The following CNTNAP2 variants were observed in gnomAD, a reference collection of about 807,000 sequenced individuals.
CNTNAP2 encodes the protein contactin associated protein 2, also known as contactin-associated protein-like 2.
Under a neutral mutation model 155.2 loss-of-function variants are expected in CNTNAP2, and 98 were observed. The ratio of observed to expected loss-of-function variants is 0.63; its 90% CI spans 0.54 to 0.75. CNTNAP2 has a LOEUF of 0.75. CNTNAP2 is among the 30% of genes least tolerant of loss of function. CNTNAP2 has a pLI of 0.00. For missense variants in CNTNAP2, 1,727 were observed against 1,688.1 expected, an observed-to-expected ratio of 1.02 and a Z score of -0.40; for synonymous variants, 651 against 631.2, an observed-to-expected ratio of 1.03 and a Z score of -0.47.
rs28710243 is a variant in CNTNAP2 at position 146,664,046 on chromosome 7, G to A, written c.98-110225G>A. On this transcript the variant is annotated intron_variant, in intron 1 of 23. Coordinates refer to ENST00000361727, the MANE Select transcript of CNTNAP2 (RefSeq NM_014141.6). ...TTGAAGAAGTTCTTTTCTATTACCA[G>A]TTTGCTAGGGTTTTTATTATAAGTG... Among the ~76,000 whole-genome samples, 954 of 150,948 alleles carry A rather than the reference G, an allele frequency of 6.3e-3. 9 individuals are homozygous for A. The highest frequency in any genetic ancestry group is 0.022 in the African/African-American group (913 of 41,088).
At chr7:146,503,312 A>C (rs2129133729) in intron 1 of CNTNAP2, among the ~76,000 whole-genome samples, 1 of 152,366 alleles carries the variant, frequency 6.6e-6, no homozygotes, top group African/African-American at 2.4e-5. Flanking sequence ...CCTATGGGCC[A>C]CATGCAGCTC....
chr7:146,936,779 C>G (rs920494254), intron 3 of CNTNAP2, among the ~76,000 whole-genome samples: 1 of 152,094 alleles, frequency 6.6e-6, no homozygotes. Flanking sequence ...TGAACTGTAA[C>G]CAATCCAGTT....
At chr7:147,522,991 T>C (rs1799256317) in intron 11 of CNTNAP2, among the ~76,000 whole-genome samples, 1 of 152,180 alleles carries the variant, frequency 6.6e-6, no homozygotes, top group Non-Finnish European at 1.5e-5. Flanking sequence ...CTCCAGATTG[T>C]AGTAGCCTAA....
intron 4 of CNTNAP2, among the ~76,000 whole-genome samples, chr7:147,061,270 G>A (rs910946251): frequency 2.6e-5 from 4 of 152,020 alleles, no homozygotes; most frequent in African/African-American, 9.7e-5. Flanking sequence ...GATCTCATGT[G>A]TTTTTACCAT....
intron 1 of CNTNAP2, among the ~76,000 whole-genome samples, chr7:146,283,265 C>T (rs1031843027): frequency 3.3e-5 from 5 of 152,184 alleles, no homozygotes; most frequent in African/African-American, 9.7e-5. Context: ...AATATTGACT[C>T]CTAAATGAGT....
intron 2 of CNTNAP2, among the ~76,000 whole-genome samples, chr7:146,837,313 A>G (rs1803636945): frequency 6.6e-6 from 1 of 151,906 alleles, no homozygotes; most frequent in African/African-American, 2.4e-5. Context: ...TTCTAGTACA[A>G]TGATGTTTTC....
rs57484419 is a variant in CNTNAP2, at chr7:146,426,185, CAA to C, written c.97+309236_97+309237del. Among the ~76,000 whole-genome samples the C allele has an allele frequency of 8.8e-3, 479 of 54,580 alleles. 6 individuals are homozygous for C. Among genetic ancestry groups the C allele is most frequent in the African/African-American group, 0.033 (446 of 13,416 alleles). 35.8% of individuals were successfully genotyped at this position (54,580 alleles called of 152,430 possible). A position where few individuals can be genotyped will look rare whatever the true frequency, so the allele number is the denominator to read the frequency against. On this transcript the variant is annotated intron_variant, in intron 1 of 23. Transcript: ENST00000361727. ...TGGGCTACAGAGTGAGACTTCGCCTCAAAAAAAAAAAAAAAAAAAAAAAAATT... is the reference window on the plus strand; with the variant it reads ...TGGGCTACAGAGTGAGACTTCGCCTCAAAAAAAAAAAAAAAAAAAAAAATT...
chr7:148,406,532 C>T (rs1017390957), intron 22 of CNTNAP2, among the ~76,000 whole-genome samples: 1 of 152,220 alleles, frequency 6.6e-6, no homozygotes, highest in Non-Finnish European at 1.5e-5. Context: ...CTCCTTGTCC[C>T]TTTCTAGCCT....
intron 1 of CNTNAP2, among the ~76,000 whole-genome samples, chr7:146,120,180 TG>T (rs1398689316): frequency 1.3e-5 from 2 of 151,994 alleles, no homozygotes; most frequent in African/African-American, 4.8e-5. Context: ...GTATTTTAAA[TG>T]TAAAATATGT....
intron 14 of CNTNAP2, among the ~76,000 whole-genome samples, chr7:147,933,365 T>C (rs1289409061): frequency 6.6e-6 from 1 of 152,132 alleles, no homozygotes; most frequent in Non-Finnish European, 1.5e-5. Context: ...AAGAGATATA[T>C]GGACCCCATG....
intron 15 of CNTNAP2, among the ~76,000 whole-genome samples, chr7:148,022,733 G>T (rs559285122): frequency 6.6e-6 from 1 of 151,748 alleles, no homozygotes; most frequent in Non-Finnish European, 1.5e-5. Flanking sequence ...TGGACTCTGC[G>T]AATGGATGTC....
chr7:146,653,912 A>T (rs1188418054), intron 1 of CNTNAP2, among the ~76,000 whole-genome samples: 2 of 152,064 alleles, frequency 1.3e-5, no homozygotes, highest in East Asian at 1.9e-4. Flanking sequence ...AGTAGAAATC[A>T]TTTCCTTGGA....
intron 3 of CNTNAP2, among the ~76,000 whole-genome samples, chr7:146,842,887 G>A (rs13237175): frequency 2.1e-5 from 3 of 143,502 alleles, no homozygotes; most frequent in African/African-American, 7.7e-5. Context: ...GGGTTTCACC[G>A]AGTTAGCCAG....
Position 147,043,922 on chromosome 7 carries a change from A to G in CNTNAP2, c.418A>G (p.Ile140Val), listed in dbSNP as rs2129255290. 1.2e-6 allele frequency: 2 copies of G among 1,614,178 alleles called. No individual in the cohort carries two copies. The highest frequency in any genetic ancestry group is 3.3e-4 in the Middle Eastern group (2 of 6,060). ...CCTTTTCCAGGCATTTCCCGGAAACATTAACTCTGACGGTGTGGTCCGGCA... is the reference window on the plus strand; with the variant it reads ...CCTTTTCCAGGCATTTCCCGGAAACGTTAACTCTGACGGTGTGGTCCGGCA... ...DGNIWAFPGN[I>V]NSDGVVRHEL... Residue 140 changes from isoleucine to valine, a missense_variant, in exon 4 of 24, where the codon ATT (isoleucine) becomes GTT (valine). By Grantham distance (29) the Ile-to-Val change is conservative. Transcript: ENST00000361727.
At chr7:148,133,439 G>T (rs1585143675) in intron 16 of CNTNAP2, among the ~76,000 whole-genome samples, 1 of 152,072 alleles carries the variant, frequency 6.6e-6, no homozygotes, top group Non-Finnish European at 1.5e-5. Flanking sequence ...TCCAGCCTGG[G>T]TGACAGAATG....
At chr7:147,377,998 A>G (rs1338365978) in intron 9 of CNTNAP2, 1 of 467,226 alleles carries the variant, frequency 2.1e-6, no homozygotes, top group Admixed American at 2.4e-5. Flanking sequence ...ATTCTCCATC[A>G]TTCTCCCTTT....
At chr7:147,692,754 A>G (rs1796106288) in intron 13 of CNTNAP2, among the ~76,000 whole-genome samples, 2 of 152,018 alleles carry the variant, frequency 1.3e-5, no homozygotes, top group Admixed American at 1.3e-4. Context: ...ACACTCCTCT[A>G]TCAGATGTCT....
intron 8 of CNTNAP2, among the ~76,000 whole-genome samples, chr7:147,249,614 A>AAAAAAG (rs1234085240): frequency 6.7e-6 from 1 of 149,970 alleles, no homozygotes; most frequent in Non-Finnish European, 1.5e-5. Context: ...TAAAAAAAAA[A>AAAAAAG]AAAAAAAAAA....
intron 8 of CNTNAP2, among the ~76,000 whole-genome samples, chr7:147,155,029 A>T (rs1276293865): frequency 6.6e-6 from 1 of 152,148 alleles, no homozygotes; most frequent in African/African-American, 2.4e-5. Flanking sequence ...ACACTGGAGC[A>T]CCACAGCTGT....
Sources: allele counts gnomAD v4.1 joint callset (sites outside exome capture counted in the v4.1 genomes callset), GRCh38; gene constraint gnomAD v4.1.1; transcripts MANE v1.5; gene names NCBI Gene and HGNC (gene_info 2026-07-23, HGNC 2026-07-21).